Variants in KLF12 observed in about 807,000 individuals in gnomAD.
KLF12 encodes the protein Krueppel-like factor 12.
In KLF12, 9 loss-of-function variants were observed where a neutral mutation model predicts 37.8. The observed-to-expected ratio is 0.24, with a 90% CI of 0.14 to 0.42. The LOEUF (loss-of-function observed/expected upper bound fraction) is 0.42. KLF12 is among the 10% of genes least tolerant of loss of function. The probability of loss-of-function intolerance (pLI) is 1.00; values close to 1 mark genes in which losing one functional copy is unlikely to be tolerated. For missense variants in KLF12, 411 were observed against 516.0 expected (o/e 0.80, Z 1.97); for synonymous variants, 208 against 202.1 (o/e 1.03, Z -0.25).
intron 3 of KLF12, among the ~76,000 whole-genome samples, chr13:73,846,773 C>T (rs1454423129): frequency 1.3e-5 from 2 of 152,162 alleles, no homozygotes; most frequent in South Asian, 2.1e-4. Context: ...TACTTTCATA[C>T]TTGTTGCAAG....
intron 1 of KLF12, among the ~76,000 whole-genome samples, chr13:74,005,421 G>C (rs17218691): frequency 0.071 from 10,850 of 152,162 alleles, 508 homozygotes; most frequent in Non-Finnish European, 0.1. Context: ...GGTGAAAAAA[G>C]ACATCGTATA....
the KLF12 span, among the ~76,000 whole-genome samples, chr13:74,191,604 T>C: frequency 6.6e-6 from 1 of 152,166 alleles, no homozygotes; most frequent in African/African-American, 2.4e-5. Context: ...CTCGGATTTT[T>C]CCTGACATCT....
intron 3 of KLF12, among the ~76,000 whole-genome samples, chr13:73,886,519 G>A (rs968855326): frequency 6.6e-6 from 1 of 152,092 alleles, no homozygotes; most frequent in Admixed American, 6.5e-5. Context: ...GCTAGTGGAT[G>A]CTGGGCCTAA....
chr13:74,235,484 G>C, the KLF12 span, among the ~76,000 whole-genome samples: 2 of 152,080 alleles, frequency 1.3e-5, no homozygotes, highest in African/African-American at 2.4e-5. Context: ...CATTATAATA[G>C]ACAGGGGAGA....
the KLF12 span, among the ~76,000 whole-genome samples, chr13:74,221,411 C>T: frequency 2.0e-5 from 3 of 151,306 alleles, no homozygotes; most frequent in African/African-American, 7.3e-5. Flanking sequence ...TCTTTTGAGT[C>T]CCTTTCTCAC....
chr13:74,058,834 T>C (rs1364754858), intron 1 of KLF12, among the ~76,000 whole-genome samples: 9 of 152,210 alleles, frequency 5.9e-5, no homozygotes, highest in Admixed American at 5.2e-4. Flanking sequence ...GGTACACATG[T>C]GCAGGACTGT....
chr13:73,756,435 T>C (rs1001048621), intron 6 of KLF12, among the ~76,000 whole-genome samples: 30 of 152,158 alleles, frequency 2.0e-4, no homozygotes, highest in Admixed American at 5.9e-4. Flanking sequence ...GAATGCTGTC[T>C]ATTTTGACTG....
intron 3 of KLF12, among the ~76,000 whole-genome samples, chr13:73,856,093 A>G (rs1885593662): frequency 1.3e-5 from 2 of 152,212 alleles, no homozygotes; most frequent in African/African-American, 4.8e-5. Flanking sequence ...TGTACAAATC[A>G]AGCCCCCATT....
At chr13:74,275,643 C>A in the KLF12 span, among the ~76,000 whole-genome samples, 1 of 150,722 alleles carries the variant, frequency 6.6e-6, no homozygotes, top group Non-Finnish European at 1.5e-5. Flanking sequence ...TTCCTTGTTA[C>A]TACTTTTTTA....
intron 5 of KLF12, among the ~76,000 whole-genome samples, chr13:73,796,600 A>G (rs1430349167): frequency 6.6e-6 from 1 of 150,902 alleles, no homozygotes; most frequent in Admixed American, 6.7e-5. Flanking sequence ...TTCCTCCCAA[A>G]CTGGGTCCTT....
chr13:73,889,143 G>C (rs1887375084), intron 3 of KLF12, among the ~76,000 whole-genome samples: 1 of 152,142 alleles, frequency 6.6e-6, no homozygotes, highest in African/African-American at 2.4e-5. Context: ...CTTTTAGAAG[G>C]GGATTGGAGA....
At chr13:74,190,175 C>T in the KLF12 span, among the ~76,000 whole-genome samples, 2 of 151,964 alleles carry the variant, frequency 1.3e-5, no homozygotes, top group East Asian at 1.9e-4. Context: ...TACCAAGATG[C>T]ACTCCCACCG....
chr13:73,834,158 C>G (rs1284215105), intron 4 of KLF12, among the ~76,000 whole-genome samples: 1 of 152,100 alleles, frequency 6.6e-6, no homozygotes, highest in Non-Finnish European at 1.5e-5. Context: ...ACCACAACCT[C>G]TTTATTTTAG....
At chr13:74,266,595 C>A in the KLF12 span, among the ~76,000 whole-genome samples, 2 of 152,150 alleles carry the variant, frequency 1.3e-5, no homozygotes, top group Non-Finnish European at 2.9e-5. Context: ...CTCTCTCAAC[C>A]CCAGTGGCCT....
At chr13:73,829,333 G>A (rs928204809) in intron 4 of KLF12, among the ~76,000 whole-genome samples, 5 of 152,144 alleles carry the variant, frequency 3.3e-5, no homozygotes, top group African/African-American at 4.8e-5. Flanking sequence ...TTTGACAGAT[G>A]AGTCAGAGAG....
intron 4 of KLF12, among the ~76,000 whole-genome samples, chr13:73,820,165 TG>T (rs778759379): frequency 2.6e-5 from 4 of 152,158 alleles, no homozygotes; most frequent in Non-Finnish European, 4.4e-5. Context: ...TGGAGCATAG[TG>T]GGGGATTCAG....
the KLF12 span, among the ~76,000 whole-genome samples, chr13:74,202,744 C>A: frequency 6.6e-6 from 1 of 152,148 alleles, no homozygotes. Flanking sequence ...CTGCTAGATG[C>A]TGCTGTCTCT....
chr13:73,880,773 A>T (rs1392267555), intron 3 of KLF12, among the ~76,000 whole-genome samples: 1 of 152,206 alleles, frequency 6.6e-6, no homozygotes, highest in African/African-American at 2.4e-5. Flanking sequence ...CTATGTTCTA[A>T]ATAGATTTGT....
At chr13:74,109,794 A>G (rs1876869763) in intron 1 of KLF12, among the ~76,000 whole-genome samples, 1 of 152,214 alleles carries the variant, frequency 6.6e-6, no homozygotes, top group East Asian at 1.9e-4. Flanking sequence ...AACATTCACA[A>G]CAGCAACTAC....
Sources: allele counts gnomAD v4.1 joint callset (sites outside exome capture counted in the v4.1 genomes callset), GRCh38; gene constraint gnomAD v4.1.1; transcripts MANE v1.5; gene names NCBI Gene and HGNC (gene_info 2026-07-23, HGNC 2026-07-21).